MAGI2: variants seen among roughly 807,000 people sequenced by gnomAD.
MAGI2 encodes membrane associated guanylate kinase, WW and PDZ domain containing 2, also known as membrane-associated guanylate kinase, WW and PDZ domain-containing protein 2.
MAGI2 carries 35 observed loss-of-function variants against 133.3 expected under a neutral mutation model. The ratio of observed to expected loss-of-function variants is 0.26; its 90% CI spans 0.20 to 0.35. MAGI2 has a LOEUF of 0.35. Ranked by LOEUF, MAGI2 falls within the 10% of genes least tolerant of loss-of-function variation. The pLI, the probability that MAGI2 is intolerant of heterozygous loss-of-function variation, is 1.00. For missense variants in MAGI2, 1,636 were observed against 1,863.4 expected, an observed-to-expected ratio of 0.88 and a Z score of 2.25; for synonymous variants, 729 against 710.6, an observed-to-expected ratio of 1.03 and a Z score of -0.41.
At chr7:79,294,525 G>T (rs1443569691) in intron 1 of MAGI2, among the ~76,000 whole-genome samples, 2 of 152,014 alleles carry the variant, frequency 1.3e-5, no homozygotes, top group African/African-American at 4.8e-5. Flanking sequence ...AGGCCTGTCT[G>T]TCAGAGATTC....
At chr7:78,884,644 G>A (rs1796129420) in intron 2 of MAGI2, among the ~76,000 whole-genome samples, 1 of 152,086 alleles carries the variant, frequency 6.6e-6, no homozygotes, top group Non-Finnish European at 1.5e-5. Flanking sequence ...CAGTAAGAAT[G>A]GATATTATCA....
chr7:79,105,174 C>T (rs764225946), intron 1 of MAGI2, among the ~76,000 whole-genome samples: 1 of 152,234 alleles, frequency 6.6e-6, no homozygotes, highest in Non-Finnish European at 1.5e-5. Flanking sequence ...CATCACACAT[C>T]TCCAAAATAC....
At chr7:79,415,535 A>C (rs779185445) in intron 1 of MAGI2, 5 of 152,146 alleles carry the variant, frequency 3.3e-5, no homozygotes, top group African/African-American at 4.8e-5. Context: ...CCCAACAGAA[A>C]GTATTTCTGG....
At chr7:78,265,379 G>A (rs1793896416) in intron 9 of MAGI2, among the ~76,000 whole-genome samples, 1 of 152,146 alleles carries the variant, frequency 6.6e-6, no homozygotes, top group Non-Finnish European at 1.5e-5. Context: ...GCTCCAAAAA[G>A]CACTGGCTTT....
intron 1 of MAGI2, chr7:79,008,778 A>T (rs1419276849): frequency 6.6e-6 from 1 of 152,160 alleles, no homozygotes; most frequent in African/African-American, 2.4e-5. Flanking sequence ...ACTTCTCCAA[A>T]TGCCCTGTGT....
intron 16 of MAGI2, among the ~76,000 whole-genome samples, chr7:78,146,614 G>T (rs767099814): frequency 3.3e-5 from 5 of 152,088 alleles, no homozygotes; most frequent in Non-Finnish European, 7.4e-5. Flanking sequence ...CAGGTTTAGG[G>T]TTAAAAATGT....
At chr7:78,956,031 C>G (rs569823456) in intron 2 of MAGI2, among the ~76,000 whole-genome samples, 357 of 151,938 alleles carry the variant, frequency 2.3e-3, no homozygotes, top group Non-Finnish European at 4.2e-3. Context: ...TAAAAAGACA[C>G]AGTTCCTACA....
At chr7:79,003,414 A>T (rs1047841435) in intron 2 of MAGI2, among the ~76,000 whole-genome samples, 2 of 152,224 alleles carry the variant, frequency 1.3e-5, no homozygotes, top group Non-Finnish European at 2.9e-5. Context: ...TTTTGTTTCA[A>T]TGGAGTTATC....
intron 13 of MAGI2, among the ~76,000 whole-genome samples, chr7:78,183,466 A>T (rs1482075082): frequency 1.3e-5 from 2 of 151,834 alleles, no homozygotes; most frequent in East Asian, 1.9e-4. Context: ...GGGTTTCACC[A>T]TGTTGGCCAG....
At chr7:79,126,801 T>TTTA (rs981551932) in intron 1 of MAGI2, among the ~76,000 whole-genome samples, 8 of 151,484 alleles carry the variant, frequency 5.3e-5, no homozygotes, top group African/African-American at 1.5e-4. Context: ...TATTAAATAA[T>TTTA]TTATTATTAT....
intron 1 of MAGI2, among the ~76,000 whole-genome samples, chr7:79,330,386 G>A (rs371471636): frequency 6.6e-6 from 1 of 151,328 alleles, no homozygotes; most frequent in Non-Finnish European, 1.5e-5. Flanking sequence ...TAGTAGAGAC[G>A]AGATTTCATC....
chr7:78,493,343 A>G (rs569724427), intron 5 of MAGI2, among the ~76,000 whole-genome samples: 2 of 152,342 alleles, frequency 1.3e-5, no homozygotes, highest in African/African-American at 4.8e-5. Flanking sequence ...CATTTCAACA[A>G]GAAAAGCTAT....
At chr7:78,780,746 TTGTCAGTTC>T (rs906519636) in intron 2 of MAGI2, among the ~76,000 whole-genome samples, 1 of 152,176 alleles carries the variant, frequency 6.6e-6, no homozygotes, top group African/African-American at 2.4e-5. Flanking sequence ...ATTGTAGTAT[TTGTCAGTTC>T]TGTTTCAGTA....
intron 9 of MAGI2, among the ~76,000 whole-genome samples, chr7:78,282,361 G>GACAA (rs1331141829): frequency 1.3e-5 from 2 of 152,062 alleles, no homozygotes; most frequent in Admixed American, 6.6e-5. Context: ...AGCAAACTGT[G>GACAA]ACAAGTAGGC....
At chr7:78,747,495 A>G (rs1823031907) in intron 2 of MAGI2, among the ~76,000 whole-genome samples, 1 of 152,118 alleles carries the variant, frequency 6.6e-6, no homozygotes, top group East Asian at 1.9e-4. Flanking sequence ...ACAAGAGGTT[A>G]CCAATTGCAA....
At chr7:79,326,203 GAACAAAA>G (rs60912124) in intron 1 of MAGI2, among the ~76,000 whole-genome samples, 151,440 of 152,194 alleles carry the variant, frequency 1, 75,355 homozygotes, top group Middle Eastern at 1. Context: ...AAAGAACAAA[GAACAAAA>G]AACTATGGAT....
intron 5 of MAGI2, 125 bp downstream of exon 5, chr7:78,501,450 TAA>T (rs1331774429): frequency 3.8e-6 from 3 of 796,062 alleles, no homozygotes; most frequent in Non-Finnish European, 4.0e-6. Context: ...CTCTCACAAA[TAA>T]AAAAGCTGTT....
chr7:78,883,895 A>G (rs1308636320), intron 2 of MAGI2, among the ~76,000 whole-genome samples: 2 of 152,256 alleles, frequency 1.3e-5, no homozygotes, highest in Admixed American at 6.5e-5. Context: ...TTAAAACTAT[A>G]CAAATCCTGG....
intron 2 of MAGI2, among the ~76,000 whole-genome samples, chr7:78,957,264 CAAA>C (rs1187620956): frequency 2.3e-5 from 1 of 42,638 alleles, no homozygotes; most frequent in African/African-American, 8.6e-5. Flanking sequence ...GACTCCATCT[CAAA>C]AAAAAAAAAA....
Sources: gnomAD v4.1 joint callset for allele counts (sites outside exome capture counted in the v4.1 genomes callset) on GRCh38, gnomAD v4.1.1 for gene constraint, MANE v1.5 for transcripts, NCBI Gene and HGNC (gene_info 2026-07-23, HGNC 2026-07-21) for gene names.